Variants in DLGAP2 observed in about 807,000 individuals in gnomAD.
DLGAP2 encodes disks large-associated protein 2.
A neutral mutation model predicts 100.3 loss-of-function variants in DLGAP2; 26 were observed. The ratio of observed to expected loss-of-function variants is 0.26; its 90% CI spans 0.19 to 0.36. The LOEUF (loss-of-function observed/expected upper bound fraction) is 0.36. DLGAP2 is among the 10% of genes least tolerant of loss of function. The pLI, the probability that DLGAP2 is intolerant of heterozygous loss-of-function variation, is 1.00. For synonymous variants in DLGAP2, 886 were observed against 630.1 expected (o/e 1.41, Z -6.08); for missense variants, 1,858 against 1,453.2 (o/e 1.28, Z -4.53).
chr8:1,051,445 G>A (rs1049178831), intron 2 of DLGAP2, among the ~76,000 whole-genome samples: 3 of 152,166 alleles, frequency 2.0e-5, no homozygotes, highest in Non-Finnish European at 2.9e-5. Context: ...CCGTCAGCAC[G>A]TGGGGAGTGT....
intron 6 of DLGAP2, chr8:1,621,044 G>C (rs1213538687): frequency 6.6e-6 from 1 of 152,210 alleles, no homozygotes; most frequent in Non-Finnish European, 1.5e-5. Context: ...CTATGTTCCA[G>C]TCTTTGTCCC....
intron 1 of DLGAP2, among the ~76,000 whole-genome samples, chr8:866,531 G>C (rs1043381989): frequency 6.6e-6 from 1 of 152,046 alleles, no homozygotes; most frequent in African/African-American, 2.4e-5. Context: ...TCGAGGGCCT[G>C]GCCTGTCAGT....
At chr8:798,931 G>A (rs1267906291) in intron 1 of DLGAP2, among the ~76,000 whole-genome samples, 1 of 152,286 alleles carries the variant, frequency 6.6e-6, no homozygotes. Flanking sequence ...GTAAACGCTT[G>A]TTGAGAGCCT....
chr8:1,375,441 T>C (rs1802368556), intron 3 of DLGAP2, among the ~76,000 whole-genome samples: 1 of 42,588 alleles, frequency 2.3e-5, no homozygotes, highest in Admixed American at 2.5e-4. Context: ...CTCCTACATT[T>C]GGGTTAACGA....
chr8:1,603,619 C>A (rs1306608940), intron 6 of DLGAP2, among the ~76,000 whole-genome samples: 1 of 152,202 alleles, frequency 6.6e-6, no homozygotes, highest in Non-Finnish European at 1.5e-5. Context: ...GGTCTCAGTT[C>A]TGTAGAGGCT....
chr8:1,202,879 C>G (rs926369334), intron 2 of DLGAP2, among the ~76,000 whole-genome samples: 1 of 152,212 alleles, frequency 6.6e-6, no homozygotes, highest in African/African-American at 2.4e-5. Context: ...TCAGCCGCTG[C>G]CCACCGACCA....
chr8:1,152,556 A>G (rs1468278785), intron 2 of DLGAP2, among the ~76,000 whole-genome samples: 1 of 152,146 alleles, frequency 6.6e-6, no homozygotes, highest in East Asian at 1.9e-4. Flanking sequence ...AAAAAGTGCA[A>G]AGCAGTGAGT....
At chr8:1,207,803 G>A (rs1002881076) in intron 2 of DLGAP2, among the ~76,000 whole-genome samples, 10 of 152,036 alleles carry the variant, frequency 6.6e-5, no homozygotes, top group African/African-American at 1.2e-4. Flanking sequence ...TTATTTGCAC[G>A]TCCTTGATAA....
intron 2 of DLGAP2, among the ~76,000 whole-genome samples, chr8:1,251,120 C>T (rs1799030080): frequency 6.6e-6 from 1 of 152,192 alleles, no homozygotes; most frequent in Admixed American, 6.5e-5. Flanking sequence ...TTCTTGTCTG[C>T]CTTCCCTAAC....
rs76970332 is a variant in DLGAP2, at chr8:1,505,820, C to T, written c.172+4389C>T. Reference sequence around the variant, plus strand: ...GTTACTTCTAAGAATGGCATTTTTTCATTTTCCCGAATGTTATATTTAAAT... The same window carrying T: ...GTTACTTCTAAGAATGGCATTTTTTTATTTTCCCGAATGTTATATTTAAAT... On this transcript the variant is annotated intron_variant, in intron 4 of 14. Transcript: ENST00000637795. Among the ~76,000 whole-genome samples, 4 of 152,098 alleles carry T rather than the reference C, an allele frequency of 2.6e-5. No individual in the cohort carries two copies. The East Asian group carries it at 7.7e-4, about 29-fold the overall frequency.
At chr8:1,346,696 C>T (rs1250741485) in intron 3 of DLGAP2, among the ~76,000 whole-genome samples, 1 of 131,278 alleles carries the variant, frequency 7.6e-6, no homozygotes, top group African/African-American at 2.9e-5. Context: ...GCTTTAAACT[C>T]ATGGTAGCTG....
intron 4 of DLGAP2, among the ~76,000 whole-genome samples, chr8:1,505,006 A>G (rs769865489): frequency 1.3e-5 from 2 of 152,200 alleles, no homozygotes; most frequent in Non-Finnish European, 2.9e-5. Context: ...ACACAAAAAG[A>G]AAGGAAGGAA....
chr8:1,198,885 C>G (rs894123360), intron 2 of DLGAP2, among the ~76,000 whole-genome samples: 1 of 152,232 alleles, frequency 6.6e-6, no homozygotes. Context: ...CCTGCCTATG[C>G]AGGTGCACAG....
At chr8:924,959 A>C (rs1279099872) in intron 2 of DLGAP2, among the ~76,000 whole-genome samples, 1 of 152,172 alleles carries the variant, frequency 6.6e-6, no homozygotes, top group Non-Finnish European at 1.5e-5. Context: ...AATTATGTTG[A>C]TAATGGTGAA....
intron 3 of DLGAP2, among the ~76,000 whole-genome samples, chr8:1,288,033 AGTGTGTGT>A (rs1243709084): frequency 1.0e-5 from 1 of 99,188 alleles, no homozygotes; most frequent in Non-Finnish European, 1.9e-5. Flanking sequence ...GTTTCGGTTG[AGTGTGTGT>A]GTGTGTGTGT....
At chr8:1,066,491 G>A (rs1253982901) in intron 2 of DLGAP2, among the ~76,000 whole-genome samples, 5 of 145,274 alleles carry the variant, frequency 3.4e-5, no homozygotes, top group Admixed American at 2.7e-4. Context: ...GCCCCACCAC[G>A]GTCAGGTCTG....
At chr8:837,664 A>ATGTGTGTGTGTG (rs34602128) in intron 1 of DLGAP2, among the ~76,000 whole-genome samples, 4 of 145,982 alleles carry the variant, frequency 2.7e-5, no homozygotes, top group Non-Finnish European at 6.0e-5. Flanking sequence ...GTTTGTGTGT[A>ATGTGTGTGTGTG]TGTGTGTGTG....
rs1386432038 is a variant in DLGAP2, at chr8:1,678,550, G to A, written c.2625G>A (p.Leu875=). 2 of 1,593,686 alleles carry A rather than the reference G, an allele frequency of 1.3e-6. No homozygotes were observed. Among genetic ancestry groups the A allele is most frequent in the Admixed American group, 1.8e-5 (1 of 56,480 alleles). Residue 875 remains leucine, a synonymous_variant, in exon 12 of 15, where the codon CTG becomes CTA. Coordinates refer to ENST00000637795, the MANE Select transcript of DLGAP2 (RefSeq NM_001346810.2). ...RRDGSWFLKL[L]HAETKRMEGW... is the part of the protein sequence containing the mutation. ...ATGGCTCGTGGTTTTTGAAGCTGCTGCACGCAGAGACAAAGAGGATGGAAG... is the reference window on the plus strand; with the variant it reads ...ATGGCTCGTGGTTTTTGAAGCTGCTACACGCAGAGACAAAGAGGATGGAAG...
At chr8:958,744 G>T (rs751575125) in intron 2 of DLGAP2, among the ~76,000 whole-genome samples, 3 of 152,124 alleles carry the variant, frequency 2.0e-5, no homozygotes, top group Non-Finnish European at 4.4e-5. Context: ...CAGTAGTTTA[G>T]TTGAACCAAG....
Sources: allele counts gnomAD v4.1 joint callset (sites outside exome capture counted in the v4.1 genomes callset), GRCh38; gene constraint gnomAD v4.1.1; transcripts MANE v1.5; gene names NCBI Gene and HGNC (gene_info 2026-07-23, HGNC 2026-07-21).